ASPH: variants seen among roughly 807,000 people sequenced by gnomAD.
ASPH encodes the protein aspartate beta-hydroxylase.
In ASPH, 100 loss-of-function variants were observed where a neutral mutation model predicts 118.4. That is an observed-to-expected ratio of 0.84 (90% CI 0.72 to 1.00). The LOEUF (loss-of-function observed/expected upper bound fraction) is 1.00. Among genes scored for constraint, ASPH ranks in the 50% least tolerant of loss-of-function variants. The pLI is 0.00. For synonymous variants in ASPH, 315 were observed against 325.6 expected, an observed-to-expected ratio of 0.97 and a Z score of 0.35; for missense variants, 920 against 919.5, an observed-to-expected ratio of 1.00 and a Z score of -0.01.
In ASPH at chr8:61,705,194, T is replaced by C. The variant is rs1217514686; in HGVS notation, c.103+9075A>G. 2.0e-5 allele frequency among the ~76,000 whole-genome samples: 3 copies of C among 152,120 alleles called. No homozygotes were observed. The East Asian group carries it at 5.8e-4, about 29-fold the overall frequency. On this transcript the variant is annotated intron_variant, in intron 1 of 24. Coordinates refer to ENST00000379454, the MANE Select transcript of ASPH (RefSeq NM_004318.4). The stretch of plus-strand genomic sequence containing the variant: ...ATATTTATAAGTGGGAGCAAAACAT[T>C]GACTACCTACGGACACAAAGAAGGG...
intron 24 of ASPH, among the ~76,000 whole-genome samples, chr8:61,512,835 A>G (rs973480255): frequency 6.6e-5 from 10 of 152,228 alleles, no homozygotes; most frequent in African/African-American, 2.4e-4. Context: ...ATCAATACAC[A>G]TATATAGACA....
intron 14 of ASPH, among the ~76,000 whole-genome samples, chr8:61,593,902 A>C (rs975631901): frequency 2.0e-5 from 3 of 152,184 alleles, no homozygotes; most frequent in Admixed American, 6.5e-5. Context: ...TTTTAGATAA[A>C]ATTCTAATAA....
At chr8:61,613,689 A>G (rs906541522) in intron 14 of ASPH, among the ~76,000 whole-genome samples, 6 of 152,210 alleles carry the variant, frequency 3.9e-5, no homozygotes, top group African/African-American at 1.4e-4. Context: ...CAGTTTTAAG[A>G]AATGGGAGTG....
chr8:61,579,421 G>T, intron 15 of ASPH: 1 of 1,613,050 alleles, frequency 6.2e-7, no homozygotes, highest in Non-Finnish European at 8.5e-7. Context: ...AAAGAGAGCC[G>T]GCTGAAGTCT....
intron 3 of ASPH, among the ~76,000 whole-genome samples, chr8:61,655,256 C>T (rs752067857): frequency 7.8e-4 from 118 of 152,132 alleles, no homozygotes; most frequent in Non-Finnish European, 8.2e-4. Flanking sequence ...TAGGTGCACT[C>T]CAGTAGCTGA....
chr8:61,528,330 A>G (rs1466242267), intron 21 of ASPH, among the ~76,000 whole-genome samples: 7 of 152,242 alleles, frequency 4.6e-5, no homozygotes, highest in African/African-American at 9.6e-5. Context: ...ATTTCGCTGT[A>G]TGTTCACATC....
Position 61,711,687 on chromosome 8 carries a change from G to T in ASPH, c.103+2582C>A, listed in dbSNP as rs1227610340. 7.9e-5 allele frequency among the ~76,000 whole-genome samples: 12 copies of T among 151,166 alleles called. No homozygotes were observed. The East Asian group carries it at 2.3e-3, about 29-fold the overall frequency. The stretch of plus-strand genomic sequence containing the variant: ...AAAGAAATCACCTTTTCCCTAAAAT[G>T]CATGTTTCAAATGACTGGGTTCTTT... On this transcript the variant is annotated intron_variant, in intron 1 of 24. Transcript: ENST00000379454.
intron 10 of ASPH, among the ~76,000 whole-genome samples, chr8:61,641,615 G>A (rs1412684407): frequency 2.6e-5 from 4 of 152,032 alleles, no homozygotes. Context: ...ATTAGAAATA[G>A]CCACTATAGA....
chr8:61,566,300 C>T (rs1382249630), intron 17 of ASPH, among the ~76,000 whole-genome samples: 2 of 152,128 alleles, frequency 1.3e-5, no homozygotes, highest in East Asian at 3.8e-4. Context: ...GTGGAAATAG[C>T]AAGATAACTA....
chr8:61,623,844 A>T (rs1851805040), intron 13 of ASPH: 1 of 152,236 alleles, frequency 6.6e-6, no homozygotes, highest in Admixed American at 6.5e-5. Context: ...ATAAAAAAGA[A>T]TAAGATCCTG....
chr8:61,619,886 G>C (rs1850313792), intron 13 of ASPH, among the ~76,000 whole-genome samples: 1 of 152,120 alleles, frequency 6.6e-6, no homozygotes, highest in Non-Finnish European at 1.5e-5. Flanking sequence ...GGTTGGAGAG[G>C]GAACAAGGCA....
chr8:61,681,958 T>G (rs1828293316), intron 2 of ASPH, among the ~76,000 whole-genome samples: 1 of 151,994 alleles, frequency 6.6e-6, no homozygotes, highest in African/African-American at 2.4e-5. Flanking sequence ...CAGCAATTTT[T>G]TAAACAGCTT....
intron 3 of ASPH, chr8:61,658,716 T>A (rs1472010434): frequency 6.6e-6 from 1 of 152,184 alleles, no homozygotes; most frequent in Non-Finnish European, 1.5e-5. Flanking sequence ...TCCCTGCCAG[T>A]CACAGGTAAC....
At chr8:61,609,406 T>A (rs1414367102) in intron 14 of ASPH, among the ~76,000 whole-genome samples, 5 of 152,180 alleles carry the variant, frequency 3.3e-5, no homozygotes, top group African/African-American at 1.2e-4. Flanking sequence ...ATGCCTAATC[T>A]TCATTCCATG....
chr8:61,647,711 A>G (rs9694523), intron 5 of ASPH, among the ~76,000 whole-genome samples: 1 of 152,076 alleles, frequency 6.6e-6, no homozygotes, highest in Non-Finnish European at 1.5e-5. Flanking sequence ...TTAAAAATAA[A>G]TAAAAATAAA....
chr8:61,503,239 C>T lies in ASPH; in HGVS notation c.*120G>A. 2.4e-6 allele frequency: 3 copies of T among 1,228,752 alleles called. No homozygotes were observed. In the East Asian group the frequency reaches 8.1e-5, roughly 33 times the overall value. 76.1% of individuals were successfully genotyped at this position (1,228,752 alleles called of 1,614,324 possible). On this transcript the variant is annotated 3_prime_UTR_variant, in exon 25 of 25. Coordinates refer to ENST00000379454, the MANE Select transcript of ASPH (RefSeq NM_004318.4). ...GACCCTAGGAGGAGGCTTTGAATTA[C>T]TCGGGCTGCAAGTCAAGGGAATTGA...
rs10113148 is a variant in ASPH, at chr8:61,665,912, G to A, written c.323-12252C>T. On this transcript the variant is annotated intron_variant, in intron 3 of 24. Transcript: ENST00000379454. ...GAGGGCACCACGAAGGCAGTGCTTT[G>A]CACAAAGTATTAACTCACACTTTGT... 0.83 allele frequency among the ~76,000 whole-genome samples: 126,895 copies of A among 152,038 alleles called. 53,102 individuals are homozygous for A. The highest frequency in any genetic ancestry group is 0.88 in the African/African-American group (36,458 of 41,506).
chr8:61,577,399 CAAAAAA>C (rs775523503), intron 15 of ASPH, among the ~76,000 whole-genome samples: 8 of 23,290 alleles, frequency 3.4e-4, no homozygotes, highest in Non-Finnish European at 4.4e-4. Context: ...CCCAATCTCG[CAAAAAA>C]AAAAAAAAAA....
At chr8:61,550,057 T>C (rs1825358475) in intron 20 of ASPH, among the ~76,000 whole-genome samples, 1 of 152,220 alleles carries the variant, frequency 6.6e-6, no homozygotes, top group Non-Finnish European at 1.5e-5. Flanking sequence ...TCCTGTCATA[T>C]AAATTTTAGG....
Sources: allele counts gnomAD v4.1 joint callset (sites outside exome capture counted in the v4.1 genomes callset), GRCh38; gene constraint gnomAD v4.1.1; transcripts MANE v1.5; gene names NCBI Gene and HGNC (gene_info 2026-07-23, HGNC 2026-07-21).